The following GRK3 variants were observed in gnomAD, a reference collection of about 807,000 sequenced individuals.
The protein encoded by GRK3 is G protein-coupled receptor kinase 3.
Under a neutral mutation model 95.7 loss-of-function variants are expected in GRK3, and 54 were observed. The observed-to-expected ratio is 0.56, with a 90% CI of 0.45 to 0.71. The LOEUF (loss-of-function observed/expected upper bound fraction) is 0.71. Among genes scored for constraint, GRK3 ranks in the 30% least tolerant of loss-of-function variants. The pLI is 0.00. For synonymous variants in GRK3, 281 were observed against 290.8 expected (o/e 0.97, Z 0.34); for missense variants, 649 against 851.2 (o/e 0.76, Z 2.96).
chr22:25,595,655 A>G (rs1357291351), intron 1 of GRK3, among the ~76,000 whole-genome samples: 1 of 152,202 alleles, frequency 6.6e-6, no homozygotes, highest in Non-Finnish European at 1.5e-5. Flanking sequence ...TTTTTAAATA[A>G]ATAAAAAATT....
intron 6 of GRK3, among the ~76,000 whole-genome samples, chr22:25,670,900 A>AG (rs1382325657): frequency 3.3e-5 from 5 of 150,026 alleles, no homozygotes; most frequent in Non-Finnish European, 5.9e-5. Context: ...AAAAAAAAAA[A>AG]AAAATTAGCC....
At chr22:25,576,967 T>G (rs1931923768) in intron 1 of GRK3, among the ~76,000 whole-genome samples, 1 of 152,252 alleles carries the variant, frequency 6.6e-6, no homozygotes, top group Non-Finnish European at 1.5e-5. Flanking sequence ...CCATGTTAAC[T>G]AATAAGATTG....
intron 13 of GRK3, among the ~76,000 whole-genome samples, chr22:25,696,844 T>C (rs765266110): frequency 3.9e-5 from 6 of 152,254 alleles, no homozygotes; most frequent in Non-Finnish European, 5.9e-5. Flanking sequence ...TGTTATTCCT[T>C]AATTGAATTA....
chr22:25,580,384 G>C (rs1411231652), intron 1 of GRK3: 1 of 152,232 alleles, frequency 6.6e-6, no homozygotes, highest in Non-Finnish European at 1.5e-5. Context: ...AATGTGGTTA[G>C]AGACTGGGCA....
In GRK3 at chr22:25,725,564, G is replaced by A. The variant is rs547664177; in HGVS notation, c.*3114G>A. Reference sequence around the variant, plus strand: ...TGATTTTTCAACAAAACTTCTAGAAGTCAGCTTATTATGTCACCATTCATG... The same window carrying A: ...TGATTTTTCAACAAAACTTCTAGAAATCAGCTTATTATGTCACCATTCATG... On this transcript the variant is annotated 3_prime_UTR_variant, in exon 21 of 21. Transcript: ENST00000324198. 11 of 398,516 alleles carry A rather than the reference G, an allele frequency of 2.8e-5. No homozygotes were observed. The Admixed American group carries it at 3.5e-4, about 13-fold the overall frequency. The allele number at this position is 398,516 out of a possible 1,614,324, so 24.7% of individuals were successfully genotyped here. A position where few individuals can be genotyped will look rare whatever the true frequency, so the allele number is the denominator to read the frequency against.
At chr22:25,653,458 G>T (rs1435327385) in intron 3 of GRK3, among the ~76,000 whole-genome samples, 1 of 152,120 alleles carries the variant, frequency 6.6e-6, no homozygotes, top group Non-Finnish European at 1.5e-5. Context: ...CCAACAAAAA[G>T]ATATCACAAA....
chr22:25,688,423 G>A (rs1013827169), intron 11 of GRK3, among the ~76,000 whole-genome samples: 3 of 152,158 alleles, frequency 2.0e-5, no homozygotes, highest in African/African-American at 4.8e-5. Flanking sequence ...GGTGAGCTAA[G>A]ACATAGAATG....
intron 18 of GRK3, among the ~76,000 whole-genome samples, chr22:25,717,133 T>C (rs2085392885): frequency 6.6e-6 from 1 of 152,188 alleles, no homozygotes; most frequent in African/African-American, 2.4e-5. Context: ...TTAGGTATTA[T>C]AGGTAAACTA....
In GRK3 at chr22:25,588,332, A is replaced by C. The variant is rs1601455485; in HGVS notation, c.114-16045A>C. ...ACAGAATGTGGATTATCAAAATATT[A>C]TAGGAAAAGCACAAAATAAATTTGT... is the stretch of plus-strand genomic sequence containing the variant. On this transcript the variant is annotated intron_variant, in intron 1 of 20. Transcript: ENST00000324198. Among the ~76,000 whole-genome samples, 8 of 152,240 alleles carry C rather than the reference A, an allele frequency of 5.3e-5. No individual in the cohort carries two copies. In the South Asian group the frequency reaches 1.0e-3, roughly 20 times the overall value.
At chr22:25,718,100 C>A in intron 18 of GRK3, 145 bp from the exon 19 acceptor site, 1 of 847,182 alleles carries the variant, frequency 1.2e-6, no homozygotes, top group Non-Finnish European at 1.8e-6. Flanking sequence ...GCACTTAAAA[C>A]TAAAATCGTG....
intron 2 of GRK3, among the ~76,000 whole-genome samples, chr22:25,618,056 A>G (rs2084553589): frequency 6.6e-6 from 1 of 152,228 alleles, no homozygotes; most frequent in South Asian, 2.1e-4. Context: ...TACAGGCGTG[A>G]GCCAACATGC....
chr22:25,717,602 G>A (rs978826506), intron 18 of GRK3, among the ~76,000 whole-genome samples: 32 of 152,092 alleles, frequency 2.1e-4, no homozygotes, highest in African/African-American at 7.7e-4. Flanking sequence ...ATGACTTTAG[G>A]ACAATCACCA....
chr22:25,702,101 T>C (rs539386784), intron 13 of GRK3, among the ~76,000 whole-genome samples: 101 of 152,060 alleles, frequency 6.6e-4, no homozygotes, highest in Admixed American at 1.2e-3. Context: ...TTTTTTTTTT[T>C]CCCAAATTAA....
intron 2 of GRK3, among the ~76,000 whole-genome samples, chr22:25,613,067 T>A (rs1407842628): frequency 6.6e-6 from 1 of 152,114 alleles, no homozygotes; most frequent in African/African-American, 2.4e-5. Flanking sequence ...ATGTTTAATA[T>A]CTAAAATATA....
At chr22:25,684,554 T>A (rs1463837502) in intron 9 of GRK3, 1 of 152,174 alleles carries the variant, frequency 6.6e-6, no homozygotes, top group African/African-American at 2.4e-5. Flanking sequence ...CATTCCTCCC[T>A]CCCTGACCCG....
chr22:25,719,700 G>C (rs111458138), intron 19 of GRK3, among the ~76,000 whole-genome samples: 2,029 of 106,202 alleles, frequency 0.019, 44 homozygotes, highest in African/African-American at 0.074. Flanking sequence ...TTGGTGGGGT[G>C]GGGGGGGGGC....
intron 2 of GRK3, among the ~76,000 whole-genome samples, chr22:25,612,178 GTTTTCTTCTGT>G (rs201387464): frequency 0.02 from 2,995 of 152,076 alleles, 44 homozygotes; most frequent in Non-Finnish European, 0.028. Flanking sequence ...ATTTGCAAAG[GTTTTCTTCTGT>G]TTTTCTTCTA....
At chr22:25,710,003 CCCCG>C (rs1568938552) in intron 16 of GRK3, 39 bp downstream of exon 16, 1 of 1,440,472 alleles carries the variant, frequency 6.9e-7, no homozygotes, top group Admixed American at 1.7e-5. Context: ...GGTACTGCCG[CCCCG>C]CCCTTACCCG....
intron 13 of GRK3, chr22:25,702,708 A>G (rs753931557): frequency 2.6e-6 from 1 of 385,476 alleles, no homozygotes; most frequent in Non-Finnish European, 5.2e-6. Flanking sequence ...AGTTATCTTT[A>G]TTAATTTCAC....
Sources: allele counts gnomAD v4.1 joint callset (sites outside exome capture counted in the v4.1 genomes callset), GRCh38; gene constraint gnomAD v4.1.1; transcripts MANE v1.5; gene names NCBI Gene and HGNC (gene_info 2026-07-23, HGNC 2026-07-21).